Variants in SGCD observed in about 807,000 individuals in gnomAD.
The protein encoded by SGCD is delta-sarcoglycan.
SGCD carries 18 observed loss-of-function variants against 36.6 expected under a neutral mutation model. The ratio of observed to expected loss-of-function variants is 0.49; its 90% CI spans 0.34 to 0.73. The LOEUF (loss-of-function observed/expected upper bound fraction) is 0.73, where lower values mean the gene tolerates loss of function less well. SGCD is among the 30% of genes least tolerant of loss of function. The pLI is 0.01. For missense variants in SGCD, 387 were observed against 346.7 expected, an observed-to-expected ratio of 1.12 and a Z score of -0.92; for synonymous variants, 133 against 130.6, an observed-to-expected ratio of 1.02 and a Z score of -0.12.
At chr5:156,117,882 G>T (rs1187117930) in exon 2 of SGCD, 2 of 152,132 alleles carry the variant, frequency 1.3e-5, no homozygotes, top group African/African-American at 4.8e-5. Flanking sequence ...TCACAGTGGT[G>T]TAATATTGTG....
At chr5:156,085,747 G>A (rs538545054) in intron 1 of SGCD, among the ~76,000 whole-genome samples, 2 of 152,306 alleles carry the variant, frequency 1.3e-5, no homozygotes, top group African/African-American at 4.8e-5. Context: ...ATCTGGGCCT[G>A]GAGATACCCT....
chr5:156,750,019 A>AG (rs1281270943), intron 7 of SGCD, among the ~76,000 whole-genome samples: 2 of 152,176 alleles, frequency 1.3e-5, no homozygotes, highest in Non-Finnish European at 2.9e-5. Flanking sequence ...ATAATGACAA[A>AG]GTTGGGCTCA....
At chr5:156,154,608 A>G (rs1461017443) in intron 3 of SGCD, among the ~76,000 whole-genome samples, 3 of 151,582 alleles carry the variant, frequency 2.0e-5, no homozygotes, top group Non-Finnish European at 4.4e-5. Flanking sequence ...TACTGCACTT[A>G]GTGCTTTATT....
At chr5:155,824,509 AT>A in the SGCD span, among the ~76,000 whole-genome samples, 1 of 152,100 alleles carries the variant, frequency 6.6e-6, no homozygotes. Context: ...AAATAAATTC[AT>A]TTTATTTTAT....
At chr5:156,153,435 A>G (rs1165207059) in intron 3 of SGCD, among the ~76,000 whole-genome samples, 3 of 151,614 alleles carry the variant, frequency 2.0e-5, no homozygotes, top group Non-Finnish European at 4.4e-5. Flanking sequence ...GATCTTCAAG[A>G]AAATAAGTAA....
intron 3 of SGCD, among the ~76,000 whole-genome samples, chr5:156,490,173 C>T (rs113338553): frequency 6.6e-6 from 1 of 151,980 alleles, no homozygotes; most frequent in Middle Eastern, 3.4e-3. Flanking sequence ...ATACAGAAAA[C>T]ACGAACGGAA....
chr5:156,605,844 C>A, intron 6 of SGCD, among the ~76,000 whole-genome samples: 1 of 152,170 alleles, frequency 6.6e-6, no homozygotes, highest in East Asian at 1.9e-4. Flanking sequence ...GCATAAATGT[C>A]TTCTTTTGAG....
rs560445554 is a variant in SGCD, at chr5:156,577,001, T to G, written c.295-12230T>G. 8.5e-3 allele frequency among the ~76,000 whole-genome samples: 1,287 copies of G among 152,162 alleles called. 10 individuals are homozygous for G. Among genetic ancestry groups the G allele is most frequent in the African/African-American group, 0.029 (1,213 of 41,506 alleles). ...ACATGAAGTCCTTGCCCATGCCTAT[T>G]TCCTGAATCGTATTGCCTAGGTTTT... On this transcript the variant is annotated intron_variant, in intron 4 of 8. Coordinates refer to ENST00000337851, the MANE Select transcript of SGCD (RefSeq NM_000337.6).
chr5:156,712,013 T>C (rs1211680968), intron 7 of SGCD, among the ~76,000 whole-genome samples: 7 of 152,228 alleles, frequency 4.6e-5, no homozygotes, highest in African/African-American at 1.7e-4. Flanking sequence ...TTGTAAACTA[T>C]CATAGTTTGG....
intron 7 of SGCD, among the ~76,000 whole-genome samples, chr5:156,741,875 T>G (rs1440380368): frequency 6.6e-6 from 1 of 152,016 alleles, no homozygotes; most frequent in Non-Finnish European, 1.5e-5. Flanking sequence ...TTTTCAGGTT[T>G]TTTTTTTTTT....
In SGCD at chr5:156,146,225, C is replaced by G. The variant is rs139878564; in HGVS notation, c.-44+22206C>G. ...GAGACTCCATCTCTAAAAAACAAAA[C>G]AAAAAAGGATTTGACTTTTTTGCTT... On this transcript the variant is annotated intron_variant, in intron 3 of 9. Transcript: ENST00000517913. Among the ~76,000 whole-genome samples the G allele has an allele frequency of 8.3e-3, 1,268 of 152,118 alleles. 6 individuals carry two copies. The highest frequency in any genetic ancestry group is 0.014 in the Middle Eastern group (4 of 294).
chr5:155,773,728 T>A, the SGCD span, among the ~76,000 whole-genome samples: 1 of 152,140 alleles, frequency 6.6e-6, no homozygotes, highest in Non-Finnish European at 1.5e-5. Context: ...TAAAACTTCC[T>A]GAAAGAGACA....
chr5:156,013,756 A>G (rs1758909861), intron 1 of SGCD, among the ~76,000 whole-genome samples: 1 of 152,110 alleles, frequency 6.6e-6, no homozygotes. Flanking sequence ...TATTTTTTCT[A>G]ATGTGTCCTT....
intron 3 of SGCD, among the ~76,000 whole-genome samples, chr5:156,416,164 T>G (rs1473711496): frequency 6.6e-6 from 1 of 152,198 alleles, no homozygotes; most frequent in East Asian, 1.9e-4. Context: ...AGTATATATG[T>G]TCTATGGAAT....
chr5:156,572,409 T>C (rs903619670), intron 4 of SGCD, among the ~76,000 whole-genome samples: 4 of 152,188 alleles, frequency 2.6e-5, no homozygotes, highest in African/African-American at 9.7e-5. Context: ...TGCCAATATA[T>C]GTTATTTTCT....
intron 1 of SGCD, among the ~76,000 whole-genome samples, chr5:155,872,464 C>T (rs1178524485): frequency 6.6e-6 from 1 of 151,918 alleles, no homozygotes; most frequent in East Asian, 1.9e-4. Flanking sequence ...ATGTGAGAAA[C>T]TTACTTTTAA....
chr5:156,447,882 G>T (rs765893841), intron 3 of SGCD, among the ~76,000 whole-genome samples: 2 of 152,132 alleles, frequency 1.3e-5, no homozygotes, highest in Non-Finnish European at 2.9e-5. Context: ...AGTGCTTTAT[G>T]ATTGTATTTT....
At chr5:156,009,130 C>A (rs368903428) in intron 1 of SGCD, among the ~76,000 whole-genome samples, 2 of 152,166 alleles carry the variant, frequency 1.3e-5, no homozygotes, top group South Asian at 2.1e-4. Flanking sequence ...GTGGTGACAG[C>A]TATGTCCTTT....
chr5:156,122,843 TAAAAAAAAAAAA>T (rs33983852), intron 2 of SGCD, among the ~76,000 whole-genome samples: 21 of 54,168 alleles, frequency 3.9e-4, no homozygotes, highest in African/African-American at 8.9e-4. Context: ...AAAGATGTGG[TAAAAAAAAAAAA>T]AAAAAAAAAA....
Sources: allele counts gnomAD v4.1 joint callset (sites outside exome capture counted in the v4.1 genomes callset), GRCh38; gene constraint gnomAD v4.1.1; transcripts MANE v1.5; gene names NCBI Gene and HGNC (gene_info 2026-07-23, HGNC 2026-07-21).